The following BNC2 variants were observed in gnomAD, a reference collection of about 807,000 sequenced individuals.
BNC2 encodes zinc finger protein basonuclin-2.
Under a neutral mutation model 76.3 loss-of-function variants are expected in BNC2, and 20 were observed. The observed-to-expected ratio is 0.26, with a 90% CI of 0.18 to 0.38. The LOEUF is 0.38. Among genes scored for constraint, BNC2 ranks in the 10% least tolerant of loss-of-function variants. The probability of loss-of-function intolerance (pLI) is 1.00; values close to 1 mark genes in which losing one functional copy is unlikely to be tolerated. For synonymous variants in BNC2, 582 were observed against 514.8 expected (o/e 1.13, Z -1.77); for missense variants, 1,382 against 1,399.8 (o/e 0.99, Z 0.20).
chr9:16,516,298 C>T (rs1248039885), intron 5 of BNC2, among the ~76,000 whole-genome samples: 1 of 151,278 alleles, frequency 6.6e-6, no homozygotes, highest in African/African-American at 2.4e-5. Flanking sequence ...TGTGATGCCG[C>T]CTCAGGTATC....
At chr9:16,453,791 C>T (rs1821391044) in intron 5 of BNC2, among the ~76,000 whole-genome samples, 1 of 152,174 alleles carries the variant, frequency 6.6e-6, no homozygotes, top group South Asian at 2.1e-4. Flanking sequence ...TCCCGAGTGA[C>T]AGAGTAGACT....
At chr9:16,447,808 C>T (rs1563788207) in intron 5 of BNC2, among the ~76,000 whole-genome samples, 1 of 151,954 alleles carries the variant, frequency 6.6e-6, no homozygotes, top group East Asian at 1.9e-4. Context: ...TGTTATATAT[C>T]AAAAAAACTA....
intron 4 of BNC2, among the ~76,000 whole-genome samples, chr9:16,574,864 G>A (rs758841556): frequency 2.0e-5 from 3 of 152,060 alleles, no homozygotes; most frequent in Non-Finnish European, 4.4e-5. Context: ...CGAATTTCTC[G>A]ATGAAATAAC....
Position 16,413,120 on chromosome 9 carries a change from T to C in BNC2, c.*5869A>G, listed in dbSNP as rs1820509594. 6.6e-6 allele frequency: 1 copy of C among 152,622 alleles called. No individual in the cohort carries two copies. The highest frequency in any genetic ancestry group is 1.5e-5 in the Non-Finnish European group (1 of 68,040). 9.5% of individuals were successfully genotyped at this position (152,622 alleles called of 1,614,324 possible). On this transcript the variant is annotated 3_prime_UTR_variant, in exon 7 of 7. Transcript: ENST00000380672. ...TGCTGCTCAGCCCTGGCTTTTTTCT[T>C]TCCTCTTTTGTAATGGTCCACTATT... is the stretch of plus-strand genomic sequence containing the variant.
At chr9:16,551,255 T>G (rs1356408212) in intron 5 of BNC2, among the ~76,000 whole-genome samples, 3 of 152,236 alleles carry the variant, frequency 2.0e-5, no homozygotes, top group Non-Finnish European at 4.4e-5. Context: ...CATTCTATTC[T>G]GAGAGCAGAC....
In BNC2 at chr9:16,584,938, G is replaced by A. The variant is rs7027534; in HGVS notation, c.331-1853C>T. Among the ~76,000 whole-genome samples, 943 of 152,074 alleles carry A rather than the reference G, an allele frequency of 6.2e-3. 12 individuals carry two copies. The highest frequency in any genetic ancestry group is 0.022 in the African/African-American group (894 of 41,506). ...CATTAAAACATTCATATAATTTGAAGTGCAATAATAAAAGCTTTCATAAAT... is the reference window on the plus strand; with the variant it reads ...CATTAAAACATTCATATAATTTGAAATGCAATAATAAAAGCTTTCATAAAT... On this transcript the variant is annotated intron_variant, in intron 3 of 6. Transcript: ENST00000380672.
At chr9:16,526,298 T>C (rs564515453) in intron 5 of BNC2, among the ~76,000 whole-genome samples, 13 of 152,058 alleles carry the variant, frequency 8.5e-5, no homozygotes, top group Non-Finnish European at 1.8e-4. Context: ...GCTAACTCCT[T>C]ACACCCAGTG....
At chr9:16,446,756 CA>C (rs1360541558) in intron 5 of BNC2, among the ~76,000 whole-genome samples, 6 of 150,646 alleles carry the variant, frequency 4.0e-5, no homozygotes, top group Admixed American at 2.7e-4. Flanking sequence ...ACAGTCTATA[CA>C]GCGTTTTTAT....
At chr9:16,796,670 GAA>G (rs1207335225) in intron 1 of BNC2, among the ~76,000 whole-genome samples, 2 of 151,816 alleles carry the variant, frequency 1.3e-5, no homozygotes, top group Non-Finnish European at 2.9e-5. Flanking sequence ...AGAAAGAAAA[GAA>G]GAGAAAAGAA....
intron 5 of BNC2, among the ~76,000 whole-genome samples, chr9:16,490,419 T>C (rs1280759151): frequency 6.6e-6 from 1 of 152,086 alleles, no homozygotes. Context: ...CCACAACACG[T>C]GGGAATTCTG....
chr9:16,801,930 A>G (rs917386341), intron 1 of BNC2, among the ~76,000 whole-genome samples: 1 of 152,132 alleles, frequency 6.6e-6, no homozygotes, highest in African/African-American at 2.4e-5. Flanking sequence ...ACAGCCCATA[A>G]AAGTTTTTCC....
At chr9:16,602,395 A>G (rs1343028644) in intron 3 of BNC2, among the ~76,000 whole-genome samples, 1 of 152,234 alleles carries the variant, frequency 6.6e-6, no homozygotes, top group Non-Finnish European at 1.5e-5. Flanking sequence ...AGGTGAAAAT[A>G]CTTTCTAATG....
At chr9:16,584,502 G>A (rs1032020046) in intron 3 of BNC2, among the ~76,000 whole-genome samples, 1 of 152,086 alleles carries the variant, frequency 6.6e-6, no homozygotes. Context: ...AGTCCTCACT[G>A]TAGACTCCAT....
At chr9:16,473,363 C>A (rs1821863992) in intron 5 of BNC2, 1 of 152,124 alleles carries the variant, frequency 6.6e-6, no homozygotes, top group Non-Finnish European at 1.5e-5. Context: ...AAAGGTAAGA[C>A]TGCTATACAG....
At position 16,552,686 on chromosome 9, in the gene BNC2, G is replaced by C; in HGVS notation, c.513C>G (p.Ile171Met). ...EIVQSNVVFD[I>M]SSLMLYGTQA... ...GTGTCCCATAGAGCATCAGGCTGCT[G>C]ATGTCAAACACGACGTTGGACTGCA... The change falls in exon 5 of 7, where the codon ATC becomes ATG. Residue 171 changes from isoleucine (I) to methionine (M), a missense_variant. By Grantham distance (10) the Ile-to-Met change is conservative. This residue lies in a region of BNC2 where 557 missense variants were observed against 540.9 expected (regional missense o/e 1.03). Coordinates refer to ENST00000380672, the MANE Select transcript of BNC2 (RefSeq NM_017637.6). 3 of 1,614,218 alleles carry C rather than the reference G, an allele frequency of 1.9e-6. No homozygotes were observed. Among genetic ancestry groups the C allele is most frequent in the Non-Finnish European group, 2.5e-6 (3 of 1,180,038 alleles).
chr9:16,580,640 TAAAAC>T (rs1259957162), intron 4 of BNC2, among the ~76,000 whole-genome samples: 1 of 152,296 alleles, frequency 6.6e-6, no homozygotes, highest in African/African-American at 2.4e-5. Flanking sequence ...ATTAAATAGA[TAAAAC>T]AAACTGGTGA....
rs1292523889 is a variant in BNC2 at position 16,793,923 on chromosome 9, C to T, written c.4-55438G>A. 2.4e-4 allele frequency among the ~76,000 whole-genome samples: 33 copies of T among 139,468 alleles called. No homozygotes were observed. The Admixed American group carries it at 2.4e-3, about 10-fold the overall frequency. The allele number at this position is 139,468 out of a possible 152,430, so 91.5% of individuals were successfully genotyped here. The stretch of plus-strand genomic sequence containing the variant: ...TTCACCGTGTTAGCCAGGATGGTCT[C>T]GATCTCCTGACCTCGTGATCCTCCC... On this transcript the variant is annotated intron_variant, in intron 1 of 6. Coordinates refer to ENST00000380672, the MANE Select transcript of BNC2 (RefSeq NM_017637.6).
At chr9:16,657,868 T>A (rs191207149) in intron 3 of BNC2, among the ~76,000 whole-genome samples, 45 of 152,322 alleles carry the variant, frequency 3.0e-4, no homozygotes, top group African/African-American at 1.0e-3. Flanking sequence ...TTGGGATACA[T>A]AGGTGTGTTG....
chr9:16,754,069 T>A (rs1179246150), intron 1 of BNC2, among the ~76,000 whole-genome samples: 1 of 152,208 alleles, frequency 6.6e-6, no homozygotes, highest in Non-Finnish European at 1.5e-5. Flanking sequence ...TTGCTGCCTC[T>A]GTCTCTCAGA....
Sources: gnomAD v4.1 joint callset for allele counts (sites outside exome capture counted in the v4.1 genomes callset) on GRCh38, gnomAD v4.1.1 for gene constraint, gnomAD v4.1.1 regional missense constraint, MANE v1.5 for transcripts, NCBI Gene and HGNC (gene_info 2026-07-23, HGNC 2026-07-21) for gene names.